NLGN4X: variants seen among roughly 807,000 people sequenced by gnomAD.
NLGN4X encodes the protein neuroligin 4 X-linked.
A neutral mutation model predicts 40.3 loss-of-function variants in NLGN4X; 3 were observed. The observed-to-expected ratio is 0.07, with a 90% CI of 0.03 to 0.19. The LOEUF (loss-of-function observed/expected upper bound fraction) is 0.19, where lower values mean the gene tolerates loss of function less well. Among genes scored for constraint, NLGN4X ranks in the 10% least tolerant of loss-of-function variants. The pLI is 1.00. For synonymous variants in NLGN4X, 270 were observed against 306.8 expected, an observed-to-expected ratio of 0.88 and a Z score of 1.25; for missense variants, 382 against 708.3, an observed-to-expected ratio of 0.54 and a Z score of 5.23.
chrX:5,953,167 T>C (rs1375282644), intron 3 of NLGN4X, among the ~76,000 whole-genome samples: 1 of 110,467 alleles, frequency 9.1e-6, no homozygotes, highest in Admixed American at 9.7e-5. Context: ...GCTCGGGAGT[T>C]TGAGACCAGC....
chrX:6,096,989 T>A (rs1273738937), intron 2 of NLGN4X, among the ~76,000 whole-genome samples: 1 of 109,910 alleles, frequency 9.1e-6, no homozygotes, highest in Non-Finnish European at 1.9e-5. Flanking sequence ...TCTATCTTCA[T>A]CTTTCATCTA....
chrX:6,061,070 C>T (rs1160358358), intron 2 of NLGN4X, among the ~76,000 whole-genome samples: 4 of 111,859 alleles, frequency 3.6e-5, no homozygotes. Flanking sequence ...ATTAGTGGGG[C>T]TACTTCCAAG....
chrX:6,208,490 C>G (rs1451642018), intron 1 of NLGN4X, among the ~76,000 whole-genome samples: 1 of 112,123 alleles, frequency 8.9e-6, no homozygotes. Context: ...TGAAAAACAT[C>G]TTCCAAAATA....
At chrX:6,189,998 C>T (rs1460006333) in intron 1 of NLGN4X, among the ~76,000 whole-genome samples, 1 of 108,579 alleles carries the variant, frequency 9.2e-6, no homozygotes, top group Non-Finnish European at 1.9e-5. Flanking sequence ...ATTCGTTTTA[C>T]CTTTGATAAG....
intron 2 of NLGN4X, among the ~76,000 whole-genome samples, chrX:6,143,968 A>G (rs1421615483): frequency 9.0e-6 from 1 of 111,665 alleles, no homozygotes; most frequent in African/African-American, 3.3e-5. Context: ...CTGAACCTCA[A>G]TATAGTAGTC....
At chrX:5,960,684 T>C (rs1442834518) in intron 3 of NLGN4X, among the ~76,000 whole-genome samples, 4 of 111,954 alleles carry the variant, frequency 3.6e-5, no homozygotes, top group Non-Finnish European at 5.6e-5. Flanking sequence ...ATATTGTTCC[T>C]TAACCCGAAA....
chrX:5,983,841 G>A (rs1421890907), intron 3 of NLGN4X, among the ~76,000 whole-genome samples: 4 of 111,844 alleles, frequency 3.6e-5, no homozygotes, highest in Admixed American at 2.8e-4. Flanking sequence ...AGCTACTCAG[G>A]AGGCTGAGGC....
chrX:6,083,632 G>C (rs1434563553), intron 2 of NLGN4X, among the ~76,000 whole-genome samples: 1 of 112,001 alleles, frequency 8.9e-6, no homozygotes, highest in Non-Finnish European at 1.9e-5. Flanking sequence ...ACAGCACATA[G>C]CTAGGAATGT....
chrX:6,045,640 A>G (rs1219135990), intron 2 of NLGN4X, among the ~76,000 whole-genome samples: 2 of 111,713 alleles, frequency 1.8e-5, no homozygotes, highest in African/African-American at 6.5e-5. Context: ...AAGCTATTTG[A>G]AAGATGGCAA....
At chrX:6,095,561 G>T (rs1339868020) in intron 2 of NLGN4X, among the ~76,000 whole-genome samples, 1 of 112,298 alleles carries the variant, frequency 8.9e-6, no homozygotes, top group Non-Finnish European at 1.9e-5. Context: ...AGAAATAATT[G>T]TTGAAAGAAA....
At chrX:6,018,155 T>C (rs1243082456) in intron 3 of NLGN4X, among the ~76,000 whole-genome samples, 1 of 108,150 alleles carries the variant, frequency 9.2e-6, no homozygotes, top group Non-Finnish European at 1.9e-5. Flanking sequence ...CATATGTATG[T>C]ATGTACACAT....
chrX:5,993,607 AAC>A (rs2035742413), intron 3 of NLGN4X, among the ~76,000 whole-genome samples: 1 of 112,267 alleles, frequency 8.9e-6, no homozygotes, highest in African/African-American at 3.2e-5. Flanking sequence ...AAGGCCTAGT[AAC>A]AGACTGTGGG....
At chrX:5,904,251 A>G (rs2032061473) in intron 4 of NLGN4X, among the ~76,000 whole-genome samples, 1 of 111,500 alleles carries the variant, frequency 9.0e-6, no homozygotes, top group Non-Finnish European at 1.9e-5. Context: ...CCCATTTCCA[A>G]GAAAAAAAAT....
intron 3 of NLGN4X, among the ~76,000 whole-genome samples, chrX:6,024,775 G>A (rs2036645306): frequency 9.0e-6 from 1 of 111,558 alleles, no homozygotes; most frequent in African/African-American, 3.3e-5. Context: ...CTAAAAAGGG[G>A]AGGAACCCTT....
At chrX:5,951,408 G>A (rs933617290) in intron 3 of NLGN4X, among the ~76,000 whole-genome samples, 1 of 111,532 alleles carries the variant, frequency 9.0e-6, no homozygotes, top group Non-Finnish European at 1.9e-5. Flanking sequence ...GAAGAGCATC[G>A]AACCTGGAGG....
At chrX:6,030,761 ATAT>A (rs1352333598) in intron 2 of NLGN4X, among the ~76,000 whole-genome samples, 2 of 112,196 alleles carry the variant, frequency 1.8e-5, no homozygotes, top group African/African-American at 6.5e-5. Context: ...TAAAATTCAA[ATAT>A]GAAGTAAAAA....
chrX:5,978,332 CTTT>C (rs763982729), intron 3 of NLGN4X, among the ~76,000 whole-genome samples: 5,814 of 37,058 alleles, frequency 0.16, 418 homozygotes, highest in Non-Finnish European at 0.18. Context: ...TTCTTTCTTT[CTTT>C]CTTTCTTTCC....
intron 2 of NLGN4X, among the ~76,000 whole-genome samples, chrX:6,044,828 A>G (rs1423271582): frequency 1.8e-5 from 2 of 112,349 alleles, no homozygotes; most frequent in African/African-American, 6.5e-5. Context: ...CTGCGCTAAT[A>G]AAGTCTTAAA....
At chrX:6,082,948 G>GGTTTTTTTTTTTTT (rs2038390927) in intron 2 of NLGN4X, among the ~76,000 whole-genome samples, 1 of 70,377 alleles carries the variant, frequency 1.4e-5, no homozygotes, top group African/African-American at 4.8e-5. Flanking sequence ...GCCATGATGC[G>GGTTTTTTTTTTTTT]TTTTTTTCTT....
Sources: gnomAD v4.1 joint callset for allele counts (sites outside exome capture counted in the v4.1 genomes callset) on GRCh38, gnomAD v4.1.1 for gene constraint, MANE v1.5 for transcripts, NCBI Gene and HGNC (gene_info 2026-07-23, HGNC 2026-07-21) for gene names.